Variants in PDZD2 observed in about 807,000 individuals in gnomAD.
The protein encoded by PDZD2 is PDZ domain containing 2.
In PDZD2, 90 loss-of-function variants were observed where a neutral mutation model predicts 220.7. The ratio of observed to expected loss-of-function variants is 0.41; its 90% confidence interval spans 0.34 to 0.49. The LOEUF is 0.49. PDZD2 is among the 20% of genes least tolerant of loss of function. The probability of loss-of-function intolerance (pLI) is 0.28; values close to 1 mark genes in which losing one functional copy is unlikely to be tolerated. For synonymous variants in PDZD2, 1,375 were observed against 1,450.5 expected (o/e 0.95, Z 1.18); for missense variants, 3,174 against 3,608.5 (o/e 0.88, Z 3.08).
intron 4 of PDZD2, among the ~76,000 whole-genome samples, chr5:31,999,784 G>A (rs1215645100): frequency 6.6e-6 from 1 of 152,166 alleles, no homozygotes; most frequent in East Asian, 1.9e-4. Flanking sequence ...AGGGCAGGAT[G>A]GCAGGGAGGA....
At chr5:31,961,974 TAGAG>T (rs1402069468) in intron 2 of PDZD2, among the ~76,000 whole-genome samples, 3 of 152,150 alleles carry the variant, frequency 2.0e-5, no homozygotes, top group Non-Finnish European at 4.4e-5. Context: ...TGGCTCCAGG[TAGAG>T]AGAGAATTGG....
rs1319744210 is a variant in PDZD2 at position 32,000,575 on chromosome 5, A to G, written c.1254+304A>G. ...GCCTAGTCTGGAGTGCAATGGCGCAATCTCGGCTCACCGCAACCTCCACCT... is the reference window on the plus strand; with the variant it reads ...GCCTAGTCTGGAGTGCAATGGCGCAGTCTCGGCTCACCGCAACCTCCACCT... On this transcript the variant is annotated intron_variant, in intron 5 of 24. Transcript: ENST00000438447. The surrounding 1 kb of genome is among the most constrained non-coding windows in gnomAD (Gnocchi z 4.5). Among the ~76,000 whole-genome samples, 2 of 152,028 alleles carry G rather than the reference A, an allele frequency of 1.3e-5. No individual in the cohort carries two copies. The highest frequency in any genetic ancestry group is 2.4e-5 in the African/African-American group (1 of 41,372).
At chr5:32,003,065 TCA>T (rs1438920879) in intron 5 of PDZD2, among the ~76,000 whole-genome samples, 11 of 58,812 alleles carry the variant, frequency 1.9e-4, no homozygotes, top group Admixed American at 1.7e-3. Context: ...CACACACACA[TCA>T]CACACCCACA....
chr5:31,859,298 C>G (rs62361581), intron 2 of PDZD2, among the ~76,000 whole-genome samples: 1 of 152,150 alleles, frequency 6.6e-6, no homozygotes, highest in Non-Finnish European at 1.5e-5. Context: ...ATTCCCCTGT[C>G]TTGATAAATT....
intron 2 of PDZD2, chr5:31,908,557 G>T: frequency 1.0e-6 from 1 of 978,498 alleles, no homozygotes; most frequent in Admixed American, 1.9e-5. Flanking sequence ...AGTAATGGCT[G>T]GTGTTGATAC....
rs1168577133 is a variant in PDZD2, at chr5:32,109,839, T to C, written c.*1704T>C. The C allele has an allele frequency of 6.6e-6, 1 of 152,660 alleles. No homozygotes were observed. Among genetic ancestry groups the C allele is most frequent in the East Asian group, 1.9e-4 (1 of 5,204 alleles). 9.5% of individuals were successfully genotyped at this position (152,660 alleles called of 1,614,324 possible). A position where few individuals can be genotyped will look rare whatever the true frequency, so the allele number is the denominator to read the frequency against. ...GAATGACCAATCCCACTAAACATCT[T>C]TGAAGTCGGCCTAGAGAGGTCCTTC... On this transcript the variant is annotated 3_prime_UTR_variant, in exon 25 of 25. Transcript: ENST00000438447.
rs118052011 is a variant in PDZD2 at position 31,952,434 on chromosome 5, A to C, written c.477-30721A>C. Among the ~76,000 whole-genome samples the C allele has an allele frequency of 2.6e-5, 4 of 152,374 alleles. No homozygotes were observed. In the East Asian group the frequency reaches 5.8e-4, roughly 22 times the overall value. On this transcript the variant is annotated intron_variant, in intron 2 of 24. Transcript: ENST00000438447. ...AAACTTTTGGGATGCTGATTACAGC[A>C]TAAAAATGTACTTTAAAGATTCAAA...
chr5:31,791,143 T>C (rs1444681935), intron 1 of PDZD2, among the ~76,000 whole-genome samples: 1 of 151,844 alleles, frequency 6.6e-6, no homozygotes, highest in Non-Finnish European at 1.5e-5. Flanking sequence ...ATAAAGCTGA[T>C]TTTTGTAACC....
intron 2 of PDZD2, among the ~76,000 whole-genome samples, chr5:31,891,592 G>A (rs1263930229): frequency 6.6e-6 from 1 of 152,204 alleles, no homozygotes; most frequent in Non-Finnish European, 1.5e-5. Flanking sequence ...TGGGATTACA[G>A]GCATGAGCCA....
intron 2 of PDZD2, among the ~76,000 whole-genome samples, chr5:31,867,411 G>T (rs1738324955): frequency 6.6e-6 from 1 of 152,160 alleles, no homozygotes; most frequent in South Asian, 2.1e-4. Context: ...TTAGTTAAAA[G>T]TTGTGTGGTT....
At chr5:31,869,431 C>CA (rs1304383636) in intron 2 of PDZD2, among the ~76,000 whole-genome samples, 1 of 152,056 alleles carries the variant, frequency 6.6e-6, no homozygotes, top group Non-Finnish European at 1.5e-5. Context: ...GGCGTGGTGG[C>CA]GGGCGCCTGT....
At chr5:31,851,285 G>A (rs1017578849) in intron 2 of PDZD2, among the ~76,000 whole-genome samples, 3 of 152,168 alleles carry the variant, frequency 2.0e-5, no homozygotes, top group Non-Finnish European at 4.4e-5. Context: ...ATGGGGTAGG[G>A]AGAAGGGGGG....
intron 1 of PDZD2, among the ~76,000 whole-genome samples, chr5:31,673,192 C>T (rs1191037869): frequency 5.3e-5 from 8 of 152,268 alleles, no homozygotes; most frequent in Middle Eastern, 3.4e-3. Context: ...TTTTCCAGAG[C>T]GACACGCTTC....
In PDZD2 at chr5:31,799,606, T is replaced by C. The variant is rs1429888046; in HGVS notation, c.358T>C (p.Trp120Arg). The C allele has an allele frequency of 6.2e-7, 1 of 1,614,100 alleles. No homozygotes were observed. Among genetic ancestry groups the C allele is most frequent in the South Asian group, 1.1e-5 (1 of 91,080 alleles). The change falls in exon 2 of 25, where the codon TGG (tryptophan) becomes CGG (arginine). Residue 120 changes from tryptophan (W) to arginine (R), a missense_variant. Coordinates refer to ENST00000438447, the MANE Select transcript of PDZD2 (RefSeq NM_178140.4). ...QGPVLDVGCI[W>R]VTELRKNSPA... ...TCCTGTGCTGGATGTGGGCTGCATC[T>C]GGGTGACAGAGCTGAGGAAGAACAG...
intron 3 of PDZD2, among the ~76,000 whole-genome samples, chr5:31,985,848 G>A (rs1279240949): frequency 6.6e-6 from 1 of 151,972 alleles, no homozygotes; most frequent in Non-Finnish European, 1.5e-5. Context: ...GGAGGCCAAG[G>A]TGGGTGGATC....
intron 10 of PDZD2, among the ~76,000 whole-genome samples, chr5:32,057,091 C>T (rs993443892): frequency 7.2e-5 from 11 of 151,986 alleles, no homozygotes; most frequent in Non-Finnish European, 1.5e-4. Context: ...CAGAGCAATA[C>T]TCTGTTTCAA....
At chr5:31,855,008 C>T (rs372251195) in intron 2 of PDZD2, 8 of 985,196 alleles carry the variant, frequency 8.1e-6, no homozygotes, top group East Asian at 1.1e-4. Flanking sequence ...CTGGCAGCCG[C>T]CCCAGGCCCC....
At chr5:31,817,747 TCTGCCTCCCGGGTTCAAGCAACTATC>T (rs768435228) in intron 2 of PDZD2, among the ~76,000 whole-genome samples, 31 of 152,206 alleles carry the variant, frequency 2.0e-4, no homozygotes, top group Non-Finnish European at 2.8e-4. Flanking sequence ...CACTGCAGCC[TCTGCCTCCCGGGTTCAAGCAACTATC>T]CTGCCTCAGC....
intron 1 of PDZD2, among the ~76,000 whole-genome samples, chr5:31,778,635 T>G (rs1415940005): frequency 6.6e-6 from 1 of 152,036 alleles, no homozygotes; most frequent in East Asian, 1.9e-4. Flanking sequence ...CGTCCGAACG[T>G]CAGAAGGAAC....
Sources: allele counts gnomAD v4.1 joint callset (sites outside exome capture counted in the v4.1 genomes callset), GRCh38; gene constraint gnomAD v4.1.1; non-coding constraint Gnocchi (gnomAD v3.1); transcripts MANE v1.5; gene names NCBI Gene and HGNC (gene_info 2026-07-23, HGNC 2026-07-21).